Variants in HS6ST3 observed in about 807,000 individuals in gnomAD.
The protein encoded by HS6ST3 is heparan sulfate 6-O-sulfotransferase 3, also known as heparan-sulfate 6-O-sulfotransferase 3.
In HS6ST3, 12 loss-of-function variants were observed where a neutral mutation model predicts 36.7. That is an observed-to-expected ratio of 0.33 (90% CI 0.21 to 0.53). The LOEUF (loss-of-function observed/expected upper bound fraction) is 0.53. Among genes scored for constraint, HS6ST3 ranks in the 20% least tolerant of loss-of-function variants. The pLI is 0.95. For missense variants in HS6ST3, 584 were observed against 640.9 expected (o/e 0.91, Z 0.96); for synonymous variants, 240 against 257.5 (o/e 0.93, Z 0.65).
intron 1 of HS6ST3, among the ~76,000 whole-genome samples, chr13:96,420,821 C>T (rs1157292994): frequency 7.2e-5 from 11 of 152,182 alleles, no homozygotes; most frequent in Admixed American, 4.6e-4. Context: ...GTTATTTTTA[C>T]ATTGCCTGAA....
chr13:96,384,778 A>G (rs974177176), intron 1 of HS6ST3, among the ~76,000 whole-genome samples: 1 of 152,192 alleles, frequency 6.6e-6, no homozygotes, highest in Non-Finnish European at 1.5e-5. Flanking sequence ...GAGTGATTGC[A>G]TCCACTTACT....
intron 1 of HS6ST3, among the ~76,000 whole-genome samples, chr13:96,355,344 C>T (rs980922223): frequency 4.1e-5 from 6 of 145,634 alleles, no homozygotes; most frequent in African/African-American, 1.5e-4. Context: ...AAAGTAAAAG[C>T]ATGAGTCTAT....
rs577237899 is a variant in HS6ST3, at chr13:96,188,045, G to T, written c.707+96476G>T. Among the ~76,000 whole-genome samples the T allele has an allele frequency of 1.6e-3, 250 of 152,272 alleles. 2 individuals carry two copies. Among genetic ancestry groups the T allele is most frequent in the Non-Finnish European group, 2.8e-3 (192 of 68,026 alleles). On this transcript the variant is annotated intron_variant, in intron 1 of 1. Coordinates refer to ENST00000376705, the MANE Select transcript of HS6ST3 (RefSeq NM_153456.4). ...CTAGGGTATACTGGTATACAAAACA[G>T]ACATATGTTTATTTTCTGGTGTGTT...
At chr13:96,125,032 T>C (rs1015142430) in intron 1 of HS6ST3, among the ~76,000 whole-genome samples, 2 of 152,150 alleles carry the variant, frequency 1.3e-5, no homozygotes, top group Non-Finnish European at 2.9e-5. Flanking sequence ...TGAAATTTAG[T>C]GTGCAGCCAG....
At chr13:96,193,269 A>C (rs2054297271) in intron 1 of HS6ST3, among the ~76,000 whole-genome samples, 1 of 152,212 alleles carries the variant, frequency 6.6e-6, no homozygotes, top group African/African-American at 2.4e-5. Flanking sequence ...GAGTAGCATC[A>C]TCTTCTCAAA....
chr13:96,464,987 T>TGC (rs1347539857), intron 1 of HS6ST3, among the ~76,000 whole-genome samples: 2 of 149,370 alleles, frequency 1.3e-5, no homozygotes, highest in African/African-American at 4.9e-5. Flanking sequence ...TGTGTGTGTG[T>TGC]GCATGCCCAC....
chr13:96,175,129 T>C (rs1594704389), intron 1 of HS6ST3, among the ~76,000 whole-genome samples: 1 of 152,188 alleles, frequency 6.6e-6, no homozygotes, highest in African/African-American at 2.4e-5. Flanking sequence ...CTATACTCCC[T>C]TTTTTTGAAA....
chr13:96,464,036 TTTTTTTTA>T (rs1455872362), intron 1 of HS6ST3, among the ~76,000 whole-genome samples: 76 of 87,592 alleles, frequency 8.7e-4, no homozygotes, highest in Non-Finnish European at 2.0e-3. Flanking sequence ...TTTTTTTTTT[TTTTTTTTA>T]AATAAACACA....
chr13:96,546,864 C>T lies in HS6ST3; in HGVS notation c.708-285626C>T, dbSNP rs144887565. On this transcript the variant is annotated intron_variant, in intron 1 of 1. Transcript: ENST00000376705. ...TACCCTAGAATATATATTTCAGCAT[C>T]GGCCTGGGACCATGCAAGGAAAATT... Among the ~76,000 whole-genome samples the T allele has an allele frequency of 3.3e-3, 497 of 152,236 alleles. 11 individuals are homozygous for T. Among genetic ancestry groups the T allele is most frequent in the Non-Finnish European group, 8.7e-4 (59 of 68,020 alleles).
At chr13:96,354,321 A>C (rs1413616433) in intron 1 of HS6ST3, among the ~76,000 whole-genome samples, 1 of 152,176 alleles carries the variant, frequency 6.6e-6, no homozygotes, top group Non-Finnish European at 1.5e-5. Flanking sequence ...CAAAGGATTC[A>C]CTTACATTTA....
At chr13:96,173,658 G>T (rs2139335811) in intron 1 of HS6ST3, among the ~76,000 whole-genome samples, 1 of 109,324 alleles carries the variant, frequency 9.1e-6, no homozygotes. Flanking sequence ...AATAGGCAGA[G>T]TCACAGGTTG....
chr13:96,455,578 T>C (rs2055750978), intron 1 of HS6ST3, among the ~76,000 whole-genome samples: 1 of 152,098 alleles, frequency 6.6e-6, no homozygotes, highest in African/African-American at 2.4e-5. Flanking sequence ...GGTTATCTAC[T>C]GTGTGGTCAA....
At chr13:96,224,754 G>A (rs779680357) in intron 1 of HS6ST3, among the ~76,000 whole-genome samples, 31 of 152,334 alleles carry the variant, frequency 2.0e-4, no homozygotes, top group Non-Finnish European at 4.0e-4. Flanking sequence ...GGTCATCGAA[G>A]GTTACAGAGC....
chr13:96,313,955 C>G (rs890475834), intron 1 of HS6ST3, among the ~76,000 whole-genome samples: 4 of 152,170 alleles, frequency 2.6e-5, no homozygotes, highest in African/African-American at 9.7e-5. Flanking sequence ...AATCCCAGCA[C>G]CTTGGGAAAC....
chr13:96,595,005 A>C (rs1298123342), intron 1 of HS6ST3, among the ~76,000 whole-genome samples: 3 of 152,042 alleles, frequency 2.0e-5, no homozygotes, highest in Non-Finnish European at 4.4e-5. Flanking sequence ...TTTGGTTGGT[A>C]GCTTTTCTTT....
chr13:96,826,679 A>G (rs1410843779), intron 1 of HS6ST3, among the ~76,000 whole-genome samples: 2 of 152,224 alleles, frequency 1.3e-5, no homozygotes, highest in African/African-American at 2.4e-5. Context: ...AAGGCTTTCA[A>G]CGTGAGAGAA....
chr13:96,805,174 A>G (rs1366817248), intron 1 of HS6ST3, among the ~76,000 whole-genome samples: 1 of 152,074 alleles, frequency 6.6e-6, no homozygotes, highest in African/African-American at 2.4e-5. Flanking sequence ...CCCCACCCAA[A>G]TCTCATCTTG....
chr13:96,243,346 A>G (rs920877100), intron 1 of HS6ST3, among the ~76,000 whole-genome samples: 4 of 152,226 alleles, frequency 2.6e-5, no homozygotes, highest in Admixed American at 1.3e-4. Context: ...TAAGCTTCTT[A>G]AGGGCAGGAA....
At chr13:96,432,494 G>C (rs1008229028) in intron 1 of HS6ST3, among the ~76,000 whole-genome samples, 1 of 152,058 alleles carries the variant, frequency 6.6e-6, no homozygotes, top group Non-Finnish European at 1.5e-5. Flanking sequence ...TGGCCAAAAG[G>C]GGTCCCATAT....
Sources: gnomAD v4.1 joint callset for allele counts (sites outside exome capture counted in the v4.1 genomes callset) on GRCh38, gnomAD v4.1.1 for gene constraint, MANE v1.5 for transcripts, NCBI Gene and HGNC (gene_info 2026-07-23, HGNC 2026-07-21) for gene names.